Variants in DICER1 observed in about 807,000 individuals in gnomAD.
The protein encoded by DICER1 is endoribonuclease Dicer.
A neutral mutation model predicts 194.1 loss-of-function variants in DICER1; 43 were observed. The observed-to-expected ratio is 0.22, with a 90% CI of 0.17 to 0.29. The LOEUF (loss-of-function observed/expected upper bound fraction) is 0.29. Among genes scored for constraint, DICER1 ranks in the 10% least tolerant of loss-of-function variants. DICER1 has a pLI of 1.00. For synonymous variants in DICER1, 832 were observed against 820.5 expected, an observed-to-expected ratio of 1.01 and a Z score of -0.24; for missense variants, 1,608 against 2,317.0, an observed-to-expected ratio of 0.69 and a Z score of 6.28.
chr14:95,090,900 T>G (rs1298451935), intron 26 of DICER1, 134 bp downstream of exon 26: 1 of 1,026,848 alleles, frequency 9.7e-7, no homozygotes, highest in African/African-American at 1.6e-5. Context: ...TCAATCAGAT[T>G]ACAAACAGAA....
intron 22 of DICER1, among the ~76,000 whole-genome samples, chr14:95,099,392 G>A (rs1463616150): frequency 6.6e-6 from 1 of 151,956 alleles, no homozygotes; most frequent in Non-Finnish European, 1.5e-5. Flanking sequence ...TTCACAGACA[G>A]ACTGGAGATC....
At chr14:95,112,121 A>G in intron 13 of DICER1, 51 bp downstream of exon 13, 2 of 1,497,044 alleles carry the variant, frequency 1.3e-6, no homozygotes, top group Admixed American at 1.7e-5. Context: ...CTTTTTTTTT[A>G]CAATGGTTGC....
At chr14:95,153,771 T>C (rs528725249) in intron 1 of DICER1, among the ~76,000 whole-genome samples, 1 of 152,292 alleles carries the variant, frequency 6.6e-6, no homozygotes, top group East Asian at 1.9e-4. Flanking sequence ...ATAGACATCA[T>C]AAACTATTAA....
chr14:95,154,409 G>A (rs1482017967), intron 1 of DICER1, among the ~76,000 whole-genome samples: 4 of 152,208 alleles, frequency 2.6e-5, no homozygotes, highest in Non-Finnish European at 4.4e-5. Flanking sequence ...GTATACCTAC[G>A]TTCACAGCAC....
intron 21 of DICER1, among the ~76,000 whole-genome samples, chr14:95,100,649 C>T (rs954644275): frequency 2.6e-4 from 39 of 152,182 alleles, no homozygotes; most frequent in African/African-American, 8.9e-4. Flanking sequence ...CACATCATTG[C>T]ATTTCTGTCA....
chr14:95,136,758 G>A (rs1894405318), intron 1 of DICER1: 1 of 152,134 alleles, frequency 6.6e-6, no homozygotes. Context: ...ATTTGCTGCT[G>A]CAATTACACT....
intron 1 of DICER1, among the ~76,000 whole-genome samples, chr14:95,156,952 C>G (rs1895924150): frequency 6.6e-6 from 1 of 152,172 alleles, no homozygotes; most frequent in Admixed American, 6.5e-5. Flanking sequence ...CCCACCACGC[C>G]ACGGCGGCCC....
At chr14:95,120,475 A>C (rs1423317773) in intron 8 of DICER1, among the ~76,000 whole-genome samples, 1 of 152,232 alleles carries the variant, frequency 6.6e-6, no homozygotes, top group East Asian at 1.9e-4. Context: ...TTCACAAAAT[A>C]TACATCCACA....
chr14:95,122,889 C>T (rs1234052832), intron 8 of DICER1, among the ~76,000 whole-genome samples: 1 of 151,890 alleles, frequency 6.6e-6, no homozygotes. Flanking sequence ...GTTTTTAAAA[C>T]CCCTAAACAT....
chr14:95,150,799 A>G (rs112824736), intron 1 of DICER1, among the ~76,000 whole-genome samples: 5,330 of 152,344 alleles, frequency 0.035, 336 homozygotes, highest in African/African-American at 0.12. Context: ...CACCAGTATT[A>G]GGACAAACTG....
chr14:95,131,727 A>T, intron 3 of DICER1, 88 bp from the exon 4 acceptor site: 2 of 1,190,806 alleles, frequency 1.7e-6, no homozygotes, highest in South Asian at 2.4e-5. Context: ...GTCTACAGAA[A>T]TCCTTATTAT....
chr14:95,099,731 TACACACACACACACACACACACAC>T (rs71838494), intron 22 of DICER1, 25 bp downstream of exon 22: 1 of 1,073,276 alleles, frequency 9.3e-7, no homozygotes. Context: ...TCCCTCCAGT[TACACACACACACACACACACACAC>T]ACACACACAC....
upstream of DICER1, chr14:95,157,912 C>T (rs944049150): frequency 6.6e-6 from 1 of 152,296 alleles, no homozygotes; most frequent in African/African-American, 2.4e-5. Context: ...TGAGCACCTC[C>T]CTCCCCTTTT....
In DICER1 at chr14:95,089,447, T is replaced by A. The variant is rs1418841568; in HGVS notation, c.*1051A>T. The A allele has an allele frequency of 8.6e-6, 2 of 232,584 alleles. No individual in the cohort carries two copies. The highest frequency in any genetic ancestry group is 3.6e-4 in the South Asian group (2 of 5,528). The allele number at this position is 232,584 out of a possible 1,614,324, so 14.4% of individuals were successfully genotyped here. On this transcript the variant is annotated 3_prime_UTR_variant, in exon 27 of 27. Transcript: ENST00000343455. ...GCTTCTTAAATAAGTAACCAATCAA[T>A]TATAAAATCTGCAGCATATTTTAGG...
intron 5 of DICER1, 129 bp from the exon 6 acceptor site, chr14:95,129,761 C>T (rs1041718941): frequency 3.4e-6 from 3 of 890,734 alleles, no homozygotes; most frequent in African/African-American, 1.7e-5. Flanking sequence ...GGTGGAAATG[C>T]CACTATACCA....
At chr14:95,153,511 C>A (rs1895650522) in intron 1 of DICER1, among the ~76,000 whole-genome samples, 1 of 152,152 alleles carries the variant, frequency 6.6e-6, no homozygotes, top group South Asian at 2.1e-4. Context: ...AACATTTTCT[C>A]CATATATTGC....
chr14:95,124,223 C>T lies in DICER1; in HGVS notation c.1349G>A (p.Arg450Lys). 6.2e-7 allele frequency: 1 copy of T among 1,613,780 alleles called. No homozygotes were observed. Among genetic ancestry groups the T allele is most frequent in the Non-Finnish European group, 8.5e-7 (1 of 1,179,982 alleles). ...GTTTAAGACAACTGCTGTGTATCTT[C>T]TTTCCACAAAAATAATTCCGCACAA... ...NILCGIIFVE[R>K]RYTAVVLNRL... The change falls in exon 8 of 27, where the codon AGA becomes AAA. Residue 450 changes from arginine (R) to lysine (K), a missense_variant. Arg to Lys is a conservative substitution (Grantham distance 26). Coordinates refer to ENST00000343455, the MANE Select transcript of DICER1 (RefSeq NM_177438.3). This position sits in a 1 kb window ranked among gnomAD's most constrained non-coding sequence, Gnocchi z 4.5.
In DICER1 at chr14:95,099,951, T is replaced by C. The variant is rs1890732015; in HGVS notation, c.4051-16A>G. On this transcript the variant is annotated splice_polypyrimidine_tract_variant and intron_variant, in intron 21 of 26. Coordinates refer to ENST00000343455, the MANE Select transcript of DICER1 (RefSeq NM_177438.3). ...AGTTGCTGACCTTTAGCAGAAAATA[T>C]TAGGATACTTATCCATAAATGATCA... 1.2e-6 allele frequency: 2 copies of C among 1,613,720 alleles called. No individual in the cohort carries two copies. The highest frequency in any genetic ancestry group is 1.7e-6 in the Non-Finnish European group (2 of 1,179,726).
In DICER1 at chr14:95,124,660, T is replaced by C. The variant is rs878951355; in HGVS notation, c.912A>G (p.Ser304=). The C allele has an allele frequency of 6.2e-7, 1 of 1,612,056 alleles. No homozygotes were observed. Among genetic ancestry groups the C allele is most frequent in the East Asian group, 2.2e-5 (1 of 44,876 alleles). ...DSTLISKQIL[S]DCRAVLVVLG... is the part of the protein sequence containing the mutation. ...GAACTACCAATACGGCACGACAGTC[T>C]GATAGTATCTACAAAAAAAAGAAAA... Residue 304 remains serine, a synonymous_variant, in exon 8 of 27, where the codon TCA becomes TCG. Coordinates refer to ENST00000343455, the MANE Select transcript of DICER1 (RefSeq NM_177438.3). The surrounding 1 kb of genome is among the most constrained non-coding windows in gnomAD (Gnocchi z 4.5).
Sources: allele counts gnomAD v4.1 joint callset (sites outside exome capture counted in the v4.1 genomes callset), GRCh38; gene constraint gnomAD v4.1.1; non-coding constraint Gnocchi (gnomAD v3.1); transcripts MANE v1.5; gene names NCBI Gene and HGNC (gene_info 2026-07-23, HGNC 2026-07-21).